MMP26: variants seen among roughly 807,000 people sequenced by gnomAD.
MMP26 encodes the protein matrix metalloproteinase-26.
A neutral mutation model predicts 31.0 loss-of-function variants in MMP26; 33 were observed. That is an observed-to-expected ratio of 1.06 (90% CI 0.81 to 1.42). The LOEUF is 1.42. Among genes scored for constraint, MMP26 ranks in the 40% most tolerant of loss-of-function variants. The pLI is 0.00. For synonymous variants in MMP26, 122 were observed against 114.9 expected, an observed-to-expected ratio of 1.06 and a Z score of -0.40; for missense variants, 347 against 316.1, an observed-to-expected ratio of 1.10 and a Z score of -0.74.
intron 2 of MMP26, chr11:4,924,484 G>T (rs1851240636): frequency 2.5e-6 from 2 of 802,522 alleles, no homozygotes; most frequent in Non-Finnish European, 2.0e-6. Flanking sequence ...ACTGGGTGGG[G>T]GCTGATCTAT....
At chr11:4,841,455 C>A (rs1849794885) in intron 2 of MMP26, among the ~76,000 whole-genome samples, 1 of 152,156 alleles carries the variant, frequency 6.6e-6, no homozygotes, top group Admixed American at 6.5e-5. Flanking sequence ...TGACAGCAGA[C>A]TTTTCACTTG....
intron 6 of MMP26, among the ~76,000 whole-genome samples, 191 bp from the exon 7 acceptor site, chr11:4,991,773 T>C (rs1260552755): frequency 6.6e-6 from 1 of 152,180 alleles, no homozygotes; most frequent in Non-Finnish European, 1.5e-5. Context: ...TTCAAGTTTA[T>C]CTGTCCAAAT....
chr11:4,729,728 CAT>C (rs141566085), intron 1 of MMP26, among the ~76,000 whole-genome samples: 9 of 150,168 alleles, frequency 6.0e-5, no homozygotes, highest in South Asian at 2.1e-4. Context: ...CAGGTGTGAG[CAT>C]ATATATATAT....
intron 2 of MMP26, chr11:4,924,335 G>A: frequency 1.3e-6 from 2 of 1,599,552 alleles, no homozygotes; most frequent in Non-Finnish European, 1.7e-6. Flanking sequence ...AAGAAGAATT[G>A]TCATAGCTTT....
In MMP26 at chr11:4,806,702, C is replaced by T. The variant is rs117737854; in HGVS notation, c.-145+39361C>T. 1.8e-3 allele frequency among the ~76,000 whole-genome samples: 280 copies of T among 152,248 alleles called. 4 individuals carry two copies. In the East Asian group the frequency reaches 0.024, roughly 13 times the overall value. Reference sequence around the variant, plus strand: ...CAGACTGGGAGAAATAGGGCTCAGACTTTATAAGTCTAGATTTAAACTGGA... The same window carrying T: ...CAGACTGGGAGAAATAGGGCTCAGATTTTATAAGTCTAGATTTAAACTGGA... On this transcript the variant is annotated intron_variant, in intron 2 of 7. Transcript: ENST00000380390.
At chr11:4,779,605 C>T (rs1848832644) in intron 2 of MMP26, among the ~76,000 whole-genome samples, 1 of 152,014 alleles carries the variant, frequency 6.6e-6, no homozygotes, top group African/African-American at 2.4e-5. Context: ...CACTAGCAAA[C>T]ACCTCTGAAG....
intron 2 of MMP26, chr11:4,877,875 AT>A (rs1236476122): frequency 6.6e-6 from 1 of 152,140 alleles, no homozygotes; most frequent in African/African-American, 2.4e-5. Flanking sequence ...TTGTATATAA[AT>A]TTTCAAACAT....
intron 5 of MMP26, among the ~76,000 whole-genome samples, chr11:4,990,997 A>T (rs977132846): frequency 6.6e-6 from 1 of 152,230 alleles, no homozygotes; most frequent in Admixed American, 6.5e-5. Flanking sequence ...CAAAAAGACG[A>T]TGCATAGCTC....
intron 1 of MMP26, among the ~76,000 whole-genome samples, chr11:4,706,325 C>T (rs2133261106): frequency 6.6e-6 from 1 of 151,798 alleles, no homozygotes; most frequent in Non-Finnish European, 1.5e-5. Flanking sequence ...CTTTGGAGGC[C>T]AAGGCAGGTG....
At chr11:4,725,500 G>A (rs1333587373) in intron 1 of MMP26, among the ~76,000 whole-genome samples, 1 of 152,224 alleles carries the variant, frequency 6.6e-6, no homozygotes, top group Non-Finnish European at 1.5e-5. Flanking sequence ...TCAGAGCCTT[G>A]TTTGTTGAGA....
chr11:4,789,815 A>C (rs1848999480), intron 2 of MMP26, among the ~76,000 whole-genome samples: 1 of 151,772 alleles, frequency 6.6e-6, no homozygotes, highest in Non-Finnish European at 1.5e-5. Flanking sequence ...GCTGGGAAGC[A>C]CTTCACAGGT....
At chr11:4,728,356 C>G (rs1291756310) in intron 1 of MMP26, among the ~76,000 whole-genome samples, 1 of 152,196 alleles carries the variant, frequency 6.6e-6, no homozygotes, top group Non-Finnish European at 1.5e-5. Flanking sequence ...GAGTCCCTCT[C>G]TAGAAATTGC....
At chr11:4,935,550 T>G (rs1179159647) in intron 2 of MMP26, among the ~76,000 whole-genome samples, 3 of 151,844 alleles carry the variant, frequency 2.0e-5, no homozygotes, top group Non-Finnish European at 4.4e-5. Flanking sequence ...CCTCTTTTCC[T>G]AATTGAATAC....
intron 2 of MMP26, among the ~76,000 whole-genome samples, chr11:4,922,323 T>G (rs979185593): frequency 1.3e-5 from 2 of 152,154 alleles, no homozygotes; most frequent in Non-Finnish European, 2.9e-5. Flanking sequence ...GAGAAGAAAT[T>G]GCTGTTTAAA....
chr11:4,886,485 G>A (rs900686659), intron 2 of MMP26, among the ~76,000 whole-genome samples: 5 of 151,854 alleles, frequency 3.3e-5, no homozygotes, highest in Admixed American at 6.6e-5. Flanking sequence ...GGTCAGCACC[G>A]GGTACATTCT....
At chr11:4,965,784 A>G in intron 2 of MMP26, among the ~76,000 whole-genome samples, 1 of 152,188 alleles carries the variant, frequency 6.6e-6, no homozygotes, top group East Asian at 1.9e-4. Context: ...ACACGTAACT[A>G]AATTCTGTCT....
intron 2 of MMP26, among the ~76,000 whole-genome samples, chr11:4,916,872 C>A (rs1404684605): frequency 2.0e-5 from 3 of 152,200 alleles, no homozygotes; most frequent in African/African-American, 7.2e-5. Context: ...GCCACATCCC[C>A]AACCACAAGG....
intron 1 of MMP26, chr11:4,709,561 C>T (rs776174183): frequency 3.9e-5 from 17 of 432,410 alleles, no homozygotes; most frequent in Middle Eastern, 3.5e-4. Flanking sequence ...TCTGCTTCTT[C>T]GCTCATCATG....
intron 2 of MMP26, among the ~76,000 whole-genome samples, chr11:4,897,054 A>C (rs1451965940): frequency 6.6e-6 from 1 of 152,038 alleles, no homozygotes; most frequent in Non-Finnish European, 1.5e-5. Context: ...GTATCTTTTT[A>C]TATCCCTTTA....
Sources: allele counts gnomAD v4.1 joint callset (sites outside exome capture counted in the v4.1 genomes callset), GRCh38; gene constraint gnomAD v4.1.1; transcripts MANE v1.5; gene names NCBI Gene and HGNC (gene_info 2026-07-23, HGNC 2026-07-21).